Variants in DST observed in about 807,000 individuals in gnomAD.
DST encodes the protein bullous pemphigoid antigen.
Under a neutral mutation model 875.2 loss-of-function variants are expected in DST, and 253 were observed. The ratio of observed to expected loss-of-function variants is 0.29; its 90% confidence interval spans 0.26 to 0.32. The LOEUF (loss-of-function observed/expected upper bound fraction) is 0.32, where lower values mean the gene tolerates loss of function less well. Among genes scored for constraint, DST ranks in the 10% least tolerant of loss-of-function variants. The pLI, the probability that DST is intolerant of heterozygous loss-of-function variation, is 1.00. For synonymous variants in DST, 3,124 were observed against 3,197.1 expected (o/e 0.98, Z 0.77); for missense variants, 8,287 against 9,111.6 (o/e 0.91, Z 3.68).
intron 4 of DST, among the ~76,000 whole-genome samples, chr6:56,773,174 T>A (rs1353365908): frequency 6.6e-6 from 1 of 152,106 alleles, no homozygotes; most frequent in Non-Finnish European, 1.5e-5. Context: ...ATTCCTAGAT[T>A]CCTGTCCCTC....
chr6:56,780,346 T>G (rs1280679333), intron 4 of DST, among the ~76,000 whole-genome samples: 1 of 151,418 alleles, frequency 6.6e-6, no homozygotes, highest in Non-Finnish European at 1.5e-5. Context: ...CCACCAAGAG[T>G]GTAAAAGTGT....
intron 3 of DST, among the ~76,000 whole-genome samples, chr6:56,893,562 C>CTTTTTTTTTTTTTTTTTTTTTTTTTGTTT (rs1282483681): frequency 1.1e-4 from 4 of 35,894 alleles, no homozygotes; most frequent in Non-Finnish European, 1.5e-4. Flanking sequence ...ACTTTTAGTT[C>CTTTTTTTTTTTTTTTTTTTTTTTTTGTTT]TTTTTTTTTT....
At position 56,560,478 on chromosome 6, in the gene DST, A is replaced by G. The variant is rs905032100; in HGVS notation, c.14311-55T>C. 5.6e-5 allele frequency: 84 copies of G among 1,501,182 alleles called. 2 individuals are homozygous for G. The South Asian group carries it at 1.0e-3, about 18-fold the overall frequency. The allele number at this position is 1,501,182 out of a possible 1,614,324, so 93.0% of individuals were successfully genotyped here. On this transcript the variant is annotated intron_variant, in intron 57 of 103. Coordinates refer to ENST00000680361, the MANE Select transcript of DST (RefSeq NM_001374736.1). ...GTGTACAGCAAAAGACAAAAATACAATAATGATAGAGCATTATTTTTCTCT... is the reference window on the plus strand; with the variant it reads ...GTGTACAGCAAAAGACAAAAATACAGTAATGATAGAGCATTATTTTTCTCT...
At chr6:56,921,868 T>C (rs2127741453) in intron 2 of DST, among the ~76,000 whole-genome samples, 1 of 152,160 alleles carries the variant, frequency 6.6e-6, no homozygotes, top group South Asian at 2.1e-4. Flanking sequence ...ACTATAACCA[T>C]AGAAGATACA....
At chr6:56,460,390 A>T (rs559501997) in intron 102 of DST, 136 bp from the exon 103 acceptor site, 1 of 774,738 alleles carries the variant, frequency 1.3e-6, no homozygotes, top group African/African-American at 1.7e-5. Context: ...AAACTCTTCA[A>T]TTAAATAAGG....
intron 4 of DST, among the ~76,000 whole-genome samples, chr6:56,822,488 G>A (rs139938697): frequency 6.6e-6 from 1 of 152,222 alleles, no homozygotes; most frequent in Admixed American, 6.5e-5. Flanking sequence ...CCAGAGATCT[G>A]CAAGGGGTTG....
Position 56,634,604 on chromosome 6 carries a change from T to C in DST, c.3352A>G (p.Lys1118Glu). The C allele has an allele frequency of 1.2e-6, 2 of 1,614,200 alleles. No individual in the cohort carries two copies. Among genetic ancestry groups the C allele is most frequent in the African/African-American group, 2.7e-5 (2 of 75,056 alleles). Residue 1118 changes from lysine (K) to glutamate (E), a missense_variant, in exon 26 of 104, where the codon AAA (lysine) becomes GAA (glutamate). By Grantham distance (56) the Lys-to-Glu change is moderately conservative (BLOSUM62 1). Transcript: ENST00000680361. ...TTCGCCAAAACACATTCATCGTCTT[T>C]GTAAATGGTTATCTGGTTTAAAATA... ...DYRQIEITIY[K>E]DDECVLANNS...
chr6:56,473,945 A>T lies in DST; in HGVS notation c.21922T>A (p.Tyr7308Asn). Residue 7308 changes from tyrosine (Y) to asparagine (N), a missense_variant, in exon 93 of 104, where the codon TAT becomes AAT. By Grantham distance (143) the Tyr-to-Asn change is moderately radical. Transcript: ENST00000680361. ...QPDVDKVTKTYKRRAADPSSL... is the reference protein window; with the variant it reads ...QPDVDKVTKTNKRRAADPSSL... ...GAAGGATCAGCAGCTCTCCTCTTAT[A>T]GGTCTTCGTTACTTTATCAACATCA... 6.3e-7 allele frequency: 1 copy of T among 1,588,768 alleles called. No homozygotes were observed. The highest frequency in any genetic ancestry group is 8.6e-7 in the Non-Finnish European group (1 of 1,165,388).
intron 72 of DST, among the ~76,000 whole-genome samples, chr6:56,514,550 C>T (rs1450408660): frequency 1.3e-5 from 2 of 150,814 alleles, no homozygotes. Context: ...CTCCCTCTCT[C>T]CCTCCTTCTC....
Position 56,572,217 on chromosome 6 carries a change from T to C in DST, c.13604A>G (p.His4535Arg), listed in dbSNP as rs1229249315. The change falls in exon 53 of 104, where the codon CAT becomes CGT. Residue 4535 changes from histidine (H) to arginine (R), a missense_variant. By Grantham distance (29) the His-to-Arg change is conservative. Transcript: ENST00000680361. ...GCTGGATATCTCCTTCAAGAGACTA[T>C]GCAAAACTTCAAGATGTTTCTTGTG... is the stretch of plus-strand genomic sequence containing the variant. ...LEHKKHLEVL[H>R]SLLKEISSHG... 6.3e-7 allele frequency: 1 copy of C among 1,577,946 alleles called. No homozygotes were observed. Among genetic ancestry groups the C allele is most frequent in the Non-Finnish European group, 8.6e-7 (1 of 1,161,044 alleles).
chr6:56,954,678 G>T lies in DST; in HGVS notation c.-91C>A. 2 of 870,762 alleles carry T rather than the reference G, an allele frequency of 2.3e-6. No homozygotes were observed. The highest frequency in any genetic ancestry group is 1.4e-6 in the Non-Finnish European group (1 of 704,686). The allele number at this position is 870,762 out of a possible 1,614,324, so 53.9% of individuals were successfully genotyped here. On this transcript the variant is annotated 5_prime_UTR_variant, in exon 1 of 104. Coordinates refer to ENST00000680361, the MANE Select transcript of DST (RefSeq NM_001374736.1). ...GGGCGCACGCCGGGACGGCGGGCAC[G>T]GGTGAGCGCGGCTCAGCGCGTCATG... is the stretch of plus-strand genomic sequence containing the variant.
chr6:56,530,362 T>C (rs1395115214), intron 64 of DST, among the ~76,000 whole-genome samples: 1 of 152,218 alleles, frequency 6.6e-6, no homozygotes, highest in Non-Finnish European at 1.5e-5. Flanking sequence ...CATGAAAGTC[T>C]GAAGTAATCT....
chr6:56,920,050 T>G (rs372932480), intron 2 of DST, among the ~76,000 whole-genome samples: 26 of 152,168 alleles, frequency 1.7e-4, no homozygotes, highest in East Asian at 9.6e-4. Flanking sequence ...ACATAAAAAT[T>G]TTGATAAAAA....
rs936971565 is a variant in DST, at chr6:56,552,090, T to C, written c.16608+94A>G. On this transcript the variant is annotated intron_variant, in intron 61 of 103. Transcript: ENST00000680361. The stretch of plus-strand genomic sequence containing the variant: ...TCAAATATTGTATGACAATCATTAT[T>C]AAAAAGTTCTACAAAATAGGCAATC... 8 of 1,345,598 alleles carry C rather than the reference T, an allele frequency of 5.9e-6. No individual in the cohort carries two copies. The Admixed American group carries it at 1.8e-4, about 31-fold the overall frequency. 83.4% of individuals were successfully genotyped at this position (1,345,598 alleles called of 1,614,324 possible).
chr6:56,894,975 CG>C (rs1328481311), intron 3 of DST, among the ~76,000 whole-genome samples: 1 of 102,720 alleles, frequency 9.7e-6, no homozygotes, highest in Non-Finnish European at 1.9e-5. Flanking sequence ...GCTGGCCAGG[CG>C]GGGGGCTGAC....
intron 60 of DST, 90 bp from the exon 61 acceptor site, chr6:56,553,745 T>C (rs1288502325): frequency 4.0e-6 from 5 of 1,249,482 alleles, no homozygotes; most frequent in Non-Finnish European, 5.5e-6. Flanking sequence ...TGAATGAATA[T>C]ATAGAATTGT....
At chr6:56,596,651 T>C (rs1279719456) in intron 47 of DST, among the ~76,000 whole-genome samples, 1 of 152,194 alleles carries the variant, frequency 6.6e-6, no homozygotes, top group Non-Finnish European at 1.5e-5. Flanking sequence ...TTGTATTTTC[T>C]ATAAGAACCT....
At chr6:56,808,534 A>G (rs557561348) in intron 4 of DST, among the ~76,000 whole-genome samples, 1 of 152,362 alleles carries the variant, frequency 6.6e-6, no homozygotes, top group African/African-American at 2.4e-5. Context: ...CATTTATCTA[A>G]TATGTTGTAA....
Position 56,517,516 on chromosome 6 carries a change from C to G in DST, c.18234G>C (p.Gln6078His), listed in dbSNP as rs2096618044. The G allele has an allele frequency of 1.9e-6, 3 of 1,612,414 alleles. No individual in the cohort carries two copies. Among genetic ancestry groups the G allele is most frequent in the Admixed American group, 1.7e-5 (1 of 59,734 alleles). The change falls in exon 70 of 104, where the codon CAG becomes CAC. Residue 6078 changes from glutamine (Q) to histidine (H), a missense_variant. Gln to His is a conservative substitution (Grantham distance 24, BLOSUM62 0). This residue lies in a region of DST where 777 missense variants were observed against 764.8 expected (regional missense o/e 1.02). Transcript: ENST00000680361. ...ATTTCTTCACCTTTTGAACTTGAAG[C>G]TGAGCAGAAGTCTGGTCTTGCTCAA... Reference protein sequence around the residue: ...IRLEQDQTSAQLQVQKTFTME... With the variant: ...IRLEQDQTSAHLQVQKTFTME...
Sources: allele counts gnomAD v4.1 joint callset (sites outside exome capture counted in the v4.1 genomes callset), GRCh38; gene constraint gnomAD v4.1.1; regional missense constraint gnomAD v4.1.1; transcripts MANE v1.5; gene names NCBI Gene and HGNC (gene_info 2026-07-23, HGNC 2026-07-21).